PDGFD: variants seen among roughly 807,000 people sequenced by gnomAD.
The protein encoded by PDGFD is platelet-derived growth factor D.
Under a neutral mutation model 44.7 loss-of-function variants are expected in PDGFD, and 30 were observed. That is an observed-to-expected ratio of 0.67 (90% CI 0.50 to 0.91). The LOEUF (loss-of-function observed/expected upper bound fraction) is 0.91. Ranked by LOEUF, PDGFD falls within the 40% of genes least tolerant of loss-of-function variation. PDGFD has a pLI of 0.00. For missense variants in PDGFD, 445 were observed against 457.8 expected (o/e 0.97, Z 0.25); for synonymous variants, 173 against 168.4 (o/e 1.03, Z -0.21).
intron 1 of PDGFD, among the ~76,000 whole-genome samples, chr11:104,143,161 G>T (rs1425276628): frequency 1.3e-5 from 2 of 152,292 alleles, no homozygotes; most frequent in Admixed American, 1.3e-4. Context: ...TAAAAGGTCT[G>T]CTGTGTTTTT....
At chr11:104,032,194 AC>A (rs756403562) in intron 1 of PDGFD, among the ~76,000 whole-genome samples, 155 of 152,034 alleles carry the variant, frequency 1.0e-3, no homozygotes, top group African/African-American at 3.0e-3. Context: ...AACAACAACA[AC>A]AAAAATAATG....
chr11:104,015,168 G>C (rs1371894597), intron 1 of PDGFD, among the ~76,000 whole-genome samples: 1 of 152,070 alleles, frequency 6.6e-6, no homozygotes, highest in Non-Finnish European at 1.5e-5. Context: ...AAGAATACTT[G>C]CTTTTAAATC....
chr11:104,082,392 G>T (rs1344735334), intron 1 of PDGFD, among the ~76,000 whole-genome samples: 1 of 151,638 alleles, frequency 6.6e-6, no homozygotes, highest in African/African-American at 2.4e-5. Flanking sequence ...CTTTGAAATT[G>T]GCCTTGAAGA....
chr11:103,969,894 G>C (rs973605924), intron 3 of PDGFD, among the ~76,000 whole-genome samples: 1 of 151,948 alleles, frequency 6.6e-6, no homozygotes, highest in Non-Finnish European at 1.5e-5. Context: ...CATCTTAGAA[G>C]ACAGAAAATA....
chr11:103,995,813 T>G (rs1340171932), intron 3 of PDGFD, among the ~76,000 whole-genome samples: 1 of 152,238 alleles, frequency 6.6e-6, no homozygotes, highest in Non-Finnish European at 1.5e-5. Flanking sequence ...CAGCTTTACC[T>G]TAAAGATTTC....
chr11:104,113,783 G>A (rs1360722893), intron 1 of PDGFD, among the ~76,000 whole-genome samples: 1 of 152,010 alleles, frequency 6.6e-6, no homozygotes, highest in Non-Finnish European at 1.5e-5. Context: ...AGCATTTGGT[G>A]TTATCACTGC....
chr11:103,965,892 T>A (rs1223352416), intron 3 of PDGFD, among the ~76,000 whole-genome samples: 2 of 152,198 alleles, frequency 1.3e-5, no homozygotes, highest in Non-Finnish European at 2.9e-5. Flanking sequence ...ATGAAGCAGA[T>A]GAGCGAGGAA....
chr11:103,941,271 G>A (rs1438671830), intron 5 of PDGFD, among the ~76,000 whole-genome samples: 2 of 151,986 alleles, frequency 1.3e-5, no homozygotes, highest in African/African-American at 4.8e-5. Flanking sequence ...AGCCAGAGTG[G>A]AGAACCATAG....
chr11:104,026,274 C>T (rs1860041202), intron 1 of PDGFD, among the ~76,000 whole-genome samples: 1 of 152,214 alleles, frequency 6.6e-6, no homozygotes, highest in Non-Finnish European at 1.5e-5. Flanking sequence ...CTTGGCCATT[C>T]ACTCAAAGCA....
chr11:104,003,373 T>C (rs1245636061), intron 1 of PDGFD, among the ~76,000 whole-genome samples: 2 of 152,110 alleles, frequency 1.3e-5, no homozygotes, highest in Non-Finnish European at 2.9e-5. Context: ...AGCCCTGGTG[T>C]GGGTGAATAG....
At chr11:103,938,911 G>C (rs998554053) in intron 5 of PDGFD, among the ~76,000 whole-genome samples, 10 of 152,066 alleles carry the variant, frequency 6.6e-5, no homozygotes, top group Non-Finnish European at 1.3e-4. Context: ...TCCATTGGTT[G>C]ATATCTCTGT....
At chr11:104,062,102 G>A (rs1860726762) in intron 1 of PDGFD, among the ~76,000 whole-genome samples, 1 of 152,166 alleles carries the variant, frequency 6.6e-6, no homozygotes, top group African/African-American at 2.4e-5. Flanking sequence ...CTGAGTGGGA[G>A]GGGAGAAGAA....
At chr11:104,119,545 AATATATTG>A (rs1343854479) in intron 1 of PDGFD, among the ~76,000 whole-genome samples, 5 of 89,078 alleles carry the variant, frequency 5.6e-5, no homozygotes, top group South Asian at 3.8e-4. Context: ...TATATAATAT[AATATATTG>A]ATATAATATA....
chr11:104,035,056 A>G (rs1860201399), intron 1 of PDGFD, among the ~76,000 whole-genome samples: 2 of 152,096 alleles, frequency 1.3e-5, no homozygotes, highest in African/African-American at 2.4e-5. Flanking sequence ...GTGTGTGTGT[A>G]AGTGGGGGTG....
chr11:104,096,375 T>C (rs1861288849), intron 1 of PDGFD, among the ~76,000 whole-genome samples: 1 of 152,184 alleles, frequency 6.6e-6, no homozygotes, highest in Non-Finnish European at 1.5e-5. Flanking sequence ...ATTCACTGTA[T>C]AATTTAAAGC....
rs117433579 is a variant in PDGFD at position 104,002,962 on chromosome 11, A to G, written c.125-2707T>C. 2.4e-4 allele frequency among the ~76,000 whole-genome samples: 37 copies of G among 152,358 alleles called. No individual in the cohort carries two copies. In the East Asian group the frequency reaches 4.6e-3, roughly 19 times the overall value. On this transcript the variant is annotated intron_variant, in intron 1 of 6. Transcript: ENST00000393158. ...TCAGGTATTCAGATTCCTCATTTGT[A>G]TAAGTGAATTGAGCATCACATTTTC...
At chr11:104,084,071 C>T (rs1431044757) in intron 1 of PDGFD, among the ~76,000 whole-genome samples, 3 of 152,122 alleles carry the variant, frequency 2.0e-5, no homozygotes, top group South Asian at 2.1e-4. Context: ...ACAATATGTA[C>T]GGATTAGTGC....
intron 3 of PDGFD, among the ~76,000 whole-genome samples, chr11:103,990,909 G>A (rs1391021967): frequency 6.6e-6 from 1 of 152,110 alleles, no homozygotes; most frequent in Non-Finnish European, 1.5e-5. Flanking sequence ...GGAGGCTGAG[G>A]CGGGCGGATC....
chr11:104,029,406 T>C (rs1241631393), intron 1 of PDGFD, among the ~76,000 whole-genome samples: 1 of 152,236 alleles, frequency 6.6e-6, no homozygotes, highest in Admixed American at 6.5e-5. Flanking sequence ...AGATGGGCTT[T>C]AGCCATGCTA....
Sources: gnomAD v4.1 joint callset for allele counts (sites outside exome capture counted in the v4.1 genomes callset) on GRCh38, gnomAD v4.1.1 for gene constraint, MANE v1.5 for transcripts, NCBI Gene and HGNC (gene_info 2026-07-23, HGNC 2026-07-21) for gene names.